The following SEC14L1 variants were observed in gnomAD, a reference collection of about 807,000 sequenced individuals.
The protein encoded by SEC14L1 is SEC14 like lipid binding 1.
A neutral mutation model predicts 85.3 loss-of-function variants in SEC14L1; 48 were observed. That is an observed-to-expected ratio of 0.56 (90% CI 0.45 to 0.72). The LOEUF (loss-of-function observed/expected upper bound fraction) is 0.72. Among genes scored for constraint, SEC14L1 ranks in the 30% least tolerant of loss-of-function variants. The probability of loss-of-function intolerance (pLI) is 0.00; values close to 1 mark genes in which losing one functional copy is unlikely to be tolerated. For synonymous variants in SEC14L1, 391 were observed against 355.5 expected, an observed-to-expected ratio of 1.10 and a Z score of -1.12; for missense variants, 682 against 921.4, an observed-to-expected ratio of 0.74 and a Z score of 3.36.
rs778714333 is a variant in SEC14L1 at position 77,213,590 on chromosome 17, G to A, written c.2042+98G>A. 1.9e-5 allele frequency: 28 copies of A among 1,447,216 alleles called. No homozygotes were observed. The highest frequency in any genetic ancestry group is 1.4e-4 in the African/African-American group (10 of 71,786). 89.6% of individuals were successfully genotyped at this position (1,447,216 alleles called of 1,614,324 possible). ...CGTGTGCAGGATCAGCAGTGGCGGCGGGTGTCAGGAATGCTTGGAGGGCCA... is the reference window on the plus strand; with the variant it reads ...CGTGTGCAGGATCAGCAGTGGCGGCAGGTGTCAGGAATGCTTGGAGGGCCA... On this transcript the variant is annotated intron_variant, in intron 16 of 16. Coordinates refer to ENST00000436233, the MANE Select transcript of SEC14L1 (RefSeq NM_001143998.2). The surrounding 1 kb of genome is among the most constrained non-coding windows in gnomAD (Gnocchi z 7.1).
intron 3 of SEC14L1, among the ~76,000 whole-genome samples, chr17:77,146,335 A>G (rs1034271278): frequency 2.0e-5 from 3 of 152,228 alleles, no homozygotes; most frequent in African/African-American, 4.8e-5. Flanking sequence ...TGCAACCCTG[A>G]TAGTTTGAGG....
intron 3 of SEC14L1, among the ~76,000 whole-genome samples, chr17:77,131,614 A>T (rs998000512): frequency 6.6e-6 from 1 of 152,178 alleles, no homozygotes; most frequent in African/African-American, 2.4e-5. Flanking sequence ...GTTCAGAGTA[A>T]ATTAAGGTGC....
chr17:77,213,796 C>T lies in SEC14L1; in HGVS notation c.2043-122C>T. 3 of 1,270,290 alleles carry T rather than the reference C, an allele frequency of 2.4e-6. No individual in the cohort carries two copies. The highest frequency in any genetic ancestry group is 1.2e-5 in the South Asian group (1 of 82,792). The allele number at this position is 1,270,290 out of a possible 1,614,324, so 78.7% of individuals were successfully genotyped here. Reference sequence around the variant, plus strand: ...CTCATGTCCATCCCCCGTTTGCAAGCACTGATGGGGATGAGAAGTGAGCAG... The same window carrying T: ...CTCATGTCCATCCCCCGTTTGCAAGTACTGATGGGGATGAGAAGTGAGCAG... On this transcript the variant is annotated intron_variant, in intron 16 of 16. Transcript: ENST00000436233. The surrounding 1 kb of genome is among the most constrained non-coding windows in gnomAD (Gnocchi z 7.1).
chr17:77,133,831 C>T (rs1179861486), intron 3 of SEC14L1, among the ~76,000 whole-genome samples: 1 of 147,966 alleles, frequency 6.8e-6, no homozygotes, highest in Non-Finnish European at 1.5e-5. Flanking sequence ...CCCAGCTACT[C>T]GGGAGGCTGA....
chr17:77,215,606 A>G lies in SEC14L1; in HGVS notation c.*1583A>G. On this transcript the variant is annotated 3_prime_UTR_variant, in exon 17 of 17. Transcript: ENST00000436233. ...CCTAGTGGCTGCCTGCACACTGTAG[A>G]CGTCCCAGGGCCTGTGCTGTGATCA... 1 of 988,626 alleles carries G rather than the reference A, an allele frequency of 1.0e-6. No individual in the cohort carries two copies. Among genetic ancestry groups the G allele is most frequent in the Non-Finnish European group, 1.2e-6 (1 of 831,340 alleles). 61.2% of individuals were successfully genotyped at this position (988,626 alleles called of 1,614,324 possible). A position where few individuals can be genotyped will look rare whatever the true frequency, so the allele number is the denominator to read the frequency against.
intron 7 of SEC14L1, 56 bp from the exon 8 acceptor site, chr17:77,196,146 T>A: frequency 7.4e-7 from 1 of 1,360,190 alleles, no homozygotes; most frequent in Non-Finnish European, 1.1e-6. Context: ...ACAAAGACTT[T>A]GGGAGCCTAA....
chr17:77,096,688 C>T (rs746753662), intron 3 of SEC14L1, among the ~76,000 whole-genome samples: 8 of 152,158 alleles, frequency 5.3e-5, no homozygotes, highest in African/African-American at 9.7e-5. Context: ...ACTGTGTTCT[C>T]TGATGTAACT....
intron 3 of SEC14L1, among the ~76,000 whole-genome samples, chr17:77,171,251 C>T (rs1668829147): frequency 1.3e-5 from 2 of 152,184 alleles, no homozygotes; most frequent in African/African-American, 4.8e-5. Context: ...GTTGAGACAA[C>T]ATCCCTCTTA....
At chr17:77,124,299 G>A (rs768741933) in intron 3 of SEC14L1, among the ~76,000 whole-genome samples, 12 of 152,204 alleles carry the variant, frequency 7.9e-5, no homozygotes, top group Non-Finnish European at 1.3e-4. Flanking sequence ...AGGAGGTCGC[G>A]TCTGCAGTGA....
At chr17:77,188,180 G>A (rs1598366454) in intron 3 of SEC14L1, among the ~76,000 whole-genome samples, 1 of 152,132 alleles carries the variant, frequency 6.6e-6, no homozygotes. Flanking sequence ...CAGTGATAAC[G>A]TCTTGCAGAA....
intron 3 of SEC14L1, among the ~76,000 whole-genome samples, chr17:77,158,014 A>T (rs1973886311): frequency 6.6e-6 from 1 of 150,540 alleles, no homozygotes; most frequent in African/African-American, 2.5e-5. Flanking sequence ...ATTAACAAGC[A>T]TGTGGGCTGG....
chr17:77,139,688 A>T (rs1972913109), upstream of SEC14L1, among the ~76,000 whole-genome samples: 1 of 151,414 alleles, frequency 6.6e-6, no homozygotes, highest in African/African-American at 2.4e-5. Context: ...TAGTAGAGAC[A>T]GGGATTTCAC....
At chr17:77,128,452 TTTATTATG>T in intron 3 of SEC14L1, among the ~76,000 whole-genome samples, 1 of 109,420 alleles carries the variant, frequency 9.1e-6, no homozygotes, top group African/African-American at 3.5e-5. Context: ...TTTATTTTAT[TTTATTATG>T]TTTTTTTTTT....
intron 3 of SEC14L1, among the ~76,000 whole-genome samples, chr17:77,151,291 G>A (rs937237238): frequency 3.3e-5 from 5 of 152,144 alleles, no homozygotes; most frequent in African/African-American, 7.2e-5. Context: ...ATGCCATCGC[G>A]TGAGTCCTAT....
chr17:77,167,146 CTTTT>C lies in SEC14L1; in HGVS notation c.63+23503_63+23506del, dbSNP rs72037954. ...GTCTTTCTGTTTTCTTTTCTTTTTC[CTTTT>C]TTTTTTTTTTTTTTTGAGACAGTTT... is the stretch of plus-strand genomic sequence containing the variant. On this transcript the variant is annotated intron_variant, in intron 3 of 16. Transcript: ENST00000436233. 3.0e-3 allele frequency among the ~76,000 whole-genome samples: 408 copies of C among 134,562 alleles called. 1 individual carries two copies. The highest frequency in any genetic ancestry group is 3.9e-3 in the Non-Finnish European group (245 of 63,054). The allele number at this position is 134,562 out of a possible 152,430, so 88.3% of individuals were successfully genotyped here.
chr17:77,214,101 C>T lies in SEC14L1; in HGVS notation c.*78C>T, dbSNP rs1046249097. The T allele has an allele frequency of 3.4e-5, 53 of 1,554,636 alleles. No individual in the cohort carries two copies. Among genetic ancestry groups the T allele is most frequent in the African/African-American group, 2.6e-4 (19 of 73,438 alleles). On this transcript the variant is annotated 3_prime_UTR_variant, in exon 17 of 17. Transcript: ENST00000436233. ...CAGCCAGCTGCACCCGCCCACCCAG[C>T]GGCGACATTGTACAGACTCCTCTCA...
rs1409680413 is a variant in SEC14L1, at chr17:77,205,262, C to G, written c.1099-14C>G. On this transcript the variant is annotated splice_polypyrimidine_tract_variant and intron_variant, in intron 10 of 16. Transcript: ENST00000436233. ...AACTAATCATGGTAAATTTTCATGC[C>G]CTTTTGTATGTAGGTTCTCTCCATA... 1 of 1,611,896 alleles carries G rather than the reference C, an allele frequency of 6.2e-7. No individual in the cohort carries two copies. The highest frequency in any genetic ancestry group is 1.1e-5 in the South Asian group (1 of 90,678).
chr17:77,210,626 G>GCAGA (rs1976696773), intron 14 of SEC14L1: 1 of 152,248 alleles, frequency 6.6e-6, no homozygotes, highest in Non-Finnish European at 1.5e-5. Flanking sequence ...GTTTGAACAA[G>GCAGA]CAGAGACAGA....
At chr17:77,119,098 T>C (rs1463797908) in intron 3 of SEC14L1, among the ~76,000 whole-genome samples, 1 of 152,014 alleles carries the variant, frequency 6.6e-6, no homozygotes, top group Non-Finnish European at 1.5e-5. Flanking sequence ...TTGCCTGAGC[T>C]CAGGAGTTTG....
Sources: allele counts gnomAD v4.1 joint callset (sites outside exome capture counted in the v4.1 genomes callset), GRCh38; gene constraint gnomAD v4.1.1; non-coding constraint Gnocchi (gnomAD v3.1); transcripts MANE v1.5; gene names NCBI Gene and HGNC (gene_info 2026-07-23, HGNC 2026-07-21).